CEP250: variants seen among roughly 807,000 people sequenced by gnomAD.
The protein encoded by CEP250 is centrosomal protein 250.
CEP250 carries 242 observed loss-of-function variants against 315.7 expected under a neutral mutation model. The observed-to-expected ratio is 0.77, with a 90% confidence interval of 0.69 to 0.85. The LOEUF (loss-of-function observed/expected upper bound fraction) is 0.85. Ranked by LOEUF, CEP250 falls within the 40% of genes least tolerant of loss-of-function variation. The pLI is 0.00. For synonymous variants in CEP250, 1,088 were observed against 1,175.0 expected (o/e 0.93, Z 1.51); for missense variants, 2,515 against 2,886.4 (o/e 0.87, Z 2.95).
rs1316960521 is a variant in CEP250, at chr20:35,499,274, TCAAA to T, written c.3777+565_3777+568del. 3.9e-5 allele frequency among the ~76,000 whole-genome samples: 6 copies of T among 152,104 alleles called. No individual in the cohort carries two copies. The South Asian group carries it at 8.3e-4, about 21-fold the overall frequency. On this transcript the variant is annotated intron_variant, in intron 27 of 34. Coordinates refer to ENST00000397527, the MANE Select transcript of CEP250 (RefSeq NM_007186.6). Reference sequence around the variant, plus strand: ...TGAACGACAAAAGTGAAACTCCATCTCAAACAAACACAAAAAAACCCTGGGCAGA... The same window carrying T: ...TGAACGACAAAAGTGAAACTCCATCTCAAACACAAAAAAACCCTGGGCAGA...
At chr20:35,474,183 C>T in intron 14 of CEP250, 131 bp downstream of exon 14, 1 of 733,246 alleles carries the variant, frequency 1.4e-6, no homozygotes. Context: ...GATTAGCTTG[C>T]TGCTTCTTCC....
In CEP250 at chr20:35,502,666, A is replaced by C. The variant is rs1483072083; in HGVS notation, c.4297A>C (p.Arg1433=). 4.3e-6 allele frequency: 7 copies of C among 1,614,156 alleles called. No individual in the cohort carries two copies. The Admixed American group carries it at 1.2e-4, about 27-fold the overall frequency. ...LALLTQTLAE[R]EEEVETLRGQ... is the part of the protein sequence containing the mutation. ...CCTCCTGACCCAGACCCTAGCTGAA[A>C]GAGAAGAGGAGGTGGAGACTCTGCG... is the stretch of plus-strand genomic sequence containing the variant. Residue 1433 remains arginine, a synonymous_variant, in exon 30 of 35, where the codon AGA becomes CGA. Coordinates refer to ENST00000397527, the MANE Select transcript of CEP250 (RefSeq NM_007186.6).
intron 3 of CEP250, 30 bp downstream of exon 3, chr20:35,460,135 G>C (rs951362990): frequency 2.0e-5 from 3 of 152,112 alleles, no homozygotes; most frequent in African/African-American, 7.2e-5. Flanking sequence ...TTGGCAAAAA[G>C]GCTGAAAAGG....
chr20:35,496,457 A>T (rs1270697649), intron 24 of CEP250, 120 bp from the exon 25 acceptor site: 2 of 904,226 alleles, frequency 2.2e-6, no homozygotes, highest in Non-Finnish European at 3.3e-6. Context: ...GTTACATCAT[A>T]ATCATTATCA....
intron 10 of CEP250, among the ~76,000 whole-genome samples, chr20:35,470,704 G>T (rs1006309636): frequency 6.6e-6 from 1 of 152,230 alleles, no homozygotes; most frequent in African/African-American, 2.4e-5. Flanking sequence ...GGTGAGCCGA[G>T]GTTATGCCAT....
chr20:35,461,631 A>G (rs992004682), intron 3 of CEP250, among the ~76,000 whole-genome samples: 1 of 152,188 alleles, frequency 6.6e-6, no homozygotes, highest in Non-Finnish European at 1.5e-5. Flanking sequence ...TCTCTCAACC[A>G]TATGCCAGCT....
At chr20:35,481,725 C>A (rs2063349148) in intron 20 of CEP250, among the ~76,000 whole-genome samples, 1 of 150,840 alleles carries the variant, frequency 6.6e-6, no homozygotes, top group Admixed American at 6.6e-5. Context: ...TTTATTGAGG[C>A]AGGGTCTCAC....
rs569745506 is a variant in CEP250, at chr20:35,477,106, G to C, written c.1863+511G>C. 2.6e-5 allele frequency among the ~76,000 whole-genome samples: 4 copies of C among 152,212 alleles called. No homozygotes were observed. The East Asian group carries it at 5.8e-4, about 22-fold the overall frequency. On this transcript the variant is annotated intron_variant, in intron 16 of 34. Coordinates refer to ENST00000397527, the MANE Select transcript of CEP250 (RefSeq NM_007186.6). ...GCTCGCTGCAACCTCTGCATCCCGG[G>C]TTCAAGCAATTCTCTTGCCTCAGCC...
rs141393541 is a variant in CEP250, at chr20:35,462,416, C to A, written c.49C>A (p.Gln17Lys). ...GLNNMKPQSL[Q>K]LVLEEQVLAL... ...GAACAACATGAAGCCCCAGTCACTG[C>A]AGCTGGTACTGGAAGAGCAGGTGCT... Residue 17 changes from glutamine to lysine, a missense_variant, in exon 4 of 35, where the codon CAG becomes AAG. Coordinates refer to ENST00000397527, the MANE Select transcript of CEP250 (RefSeq NM_007186.6). The A allele has an allele frequency of 4.2e-5, 67 of 1,600,206 alleles. No homozygotes were observed. In the African/African-American group the frequency reaches 8.2e-4, roughly 20 times the overall value.
At chr20:35,474,660 G>A in intron 14 of CEP250, 2 of 401,060 alleles carry the variant, frequency 5.0e-6, no homozygotes, top group Non-Finnish European at 5.1e-6. Flanking sequence ...AATGGCCCCA[G>A]CTAATCTGTA....
upstream of CEP250, chr20:35,455,344 C>T (rs940518389): frequency 1.3e-5 from 2 of 152,268 alleles, no homozygotes; most frequent in Non-Finnish European, 2.9e-5. Flanking sequence ...GGGCAGCGGC[C>T]TCTTGTTACC....
intron 24 of CEP250, among the ~76,000 whole-genome samples, chr20:35,495,257 A>G (rs1465550971): frequency 4.6e-5 from 7 of 152,366 alleles, no homozygotes; most frequent in Non-Finnish European, 8.8e-5. Flanking sequence ...TGAGCTGGGC[A>G]GGTCCACAGC....
At chr20:35,467,690 C>T in intron 9 of CEP250, 135 bp downstream of exon 9, 1 of 1,008,794 alleles carries the variant, frequency 9.9e-7, no homozygotes, top group Non-Finnish European at 1.4e-6. Flanking sequence ...AGGAAATCTA[C>T]TTTGAAACCT....
chr20:35,468,108 C>G (rs2062936005), intron 9 of CEP250, among the ~76,000 whole-genome samples: 1 of 152,056 alleles, frequency 6.6e-6, no homozygotes, highest in Non-Finnish European at 1.5e-5. Context: ...GCCACCATAC[C>G]CAGCTAATGT....
intron 26 of CEP250, among the ~76,000 whole-genome samples, chr20:35,498,344 C>T (rs1459876991): frequency 1.3e-5 from 2 of 152,294 alleles, no homozygotes; most frequent in African/African-American, 4.8e-5. Flanking sequence ...TATGAGGTTG[C>T]AGATGTGAAT....
chr20:35,500,221 G>A (rs2063964411), intron 28 of CEP250, 52 bp downstream of exon 28: 3 of 1,605,918 alleles, frequency 1.9e-6, no homozygotes, highest in East Asian at 2.2e-5. Flanking sequence ...GGATAGGTGG[G>A]GAGCCCAGAA....
chr20:35,473,299 G>T lies in CEP250; in HGVS notation c.1210-75G>T. 7 of 1,362,352 alleles carry T rather than the reference G, an allele frequency of 5.1e-6. 1 individual carries two copies. In the South Asian group the frequency reaches 1.0e-4, roughly 20 times the overall value. The allele number at this position is 1,362,352 out of a possible 1,614,324, so 84.4% of individuals were successfully genotyped here. A position where few individuals can be genotyped will look rare whatever the true frequency, so the allele number is the denominator to read the frequency against. On this transcript the variant is annotated intron_variant, in intron 12 of 34. Coordinates refer to ENST00000397527, the MANE Select transcript of CEP250 (RefSeq NM_007186.6). ...CACCAGCCCCCGACCCCCTTCTCCAGCCCCACTTTCGGGGTTCTGACATCC... is the reference window on the plus strand; with the variant it reads ...CACCAGCCCCCGACCCCCTTCTCCATCCCCACTTTCGGGGTTCTGACATCC...
chr20:35,456,532 C>G (rs181408601), intron 1 of CEP250, among the ~76,000 whole-genome samples: 1 of 152,194 alleles, frequency 6.6e-6, no homozygotes, highest in African/African-American at 2.4e-5. Context: ...TACTGGTACG[C>G]CCTCTGTTCC....
chr20:35,458,964 A>ATTT (rs1332089448), intron 2 of CEP250, among the ~76,000 whole-genome samples: 18 of 91,344 alleles, frequency 2.0e-4, no homozygotes, highest in African/African-American at 4.7e-4. Context: ...TATAATGCAA[A>ATTT]TCTTTTTTTT....
Sources: allele counts gnomAD v4.1 joint callset (sites outside exome capture counted in the v4.1 genomes callset), GRCh38; gene constraint gnomAD v4.1.1; transcripts MANE v1.5; gene names NCBI Gene and HGNC (gene_info 2026-07-23, HGNC 2026-07-21).